The following SPAG16 variants were observed in gnomAD, a reference collection of about 807,000 sequenced individuals.
The protein encoded by SPAG16 is sperm associated antigen 16.
A neutral mutation model predicts 80.4 loss-of-function variants in SPAG16; 86 were observed. The ratio of observed to expected loss-of-function variants is 1.07; its 90% CI spans 0.90 to 1.28. SPAG16 has a LOEUF of 1.28. Ranked by LOEUF, SPAG16 falls within the 50% of genes most tolerant of loss-of-function variation. The pLI, the probability that SPAG16 is intolerant of heterozygous loss-of-function variation, is 0.00. For missense variants in SPAG16, 870 were observed against 765.3 expected (o/e 1.14, Z -1.61); for synonymous variants, 294 against 265.9 (o/e 1.11, Z -1.03).
chr2:213,425,401 G>A, intron 9 of SPAG16, among the ~76,000 whole-genome samples: 1 of 152,134 alleles, frequency 6.6e-6, no homozygotes, highest in East Asian at 1.9e-4. Flanking sequence ...TGTAATCCCA[G>A]CACTTTGGGA....
At chr2:213,964,906 T>C (rs1559636715) in intron 12 of SPAG16, among the ~76,000 whole-genome samples, 1 of 152,240 alleles carries the variant, frequency 6.6e-6, no homozygotes, top group Non-Finnish European at 1.5e-5. Context: ...TTTAATTATT[T>C]AAGTGTGACT....
intron 12 of SPAG16, among the ~76,000 whole-genome samples, chr2:213,993,936 G>A (rs1300433221): frequency 6.6e-6 from 1 of 152,154 alleles, no homozygotes; most frequent in African/African-American, 2.4e-5. Flanking sequence ...TCACTACAAA[G>A]TTCTGTCCCT....
At chr2:214,087,769 G>T (rs1324318525) in intron 13 of SPAG16, among the ~76,000 whole-genome samples, 1 of 152,006 alleles carries the variant, frequency 6.6e-6, no homozygotes, top group African/African-American at 2.4e-5. Context: ...AATTTAGTGT[G>T]CCAACCAGAC....
chr2:213,644,890 T>G (rs2062764413), intron 10 of SPAG16, among the ~76,000 whole-genome samples: 1 of 152,186 alleles, frequency 6.6e-6, no homozygotes, highest in Admixed American at 6.5e-5. Context: ...GCCTTGTGGC[T>G]CTACACTCAG....
At chr2:213,848,690 T>G (rs1033859214) in intron 10 of SPAG16, among the ~76,000 whole-genome samples, 1 of 152,158 alleles carries the variant, frequency 6.6e-6, no homozygotes, top group Non-Finnish European at 1.5e-5. Context: ...ATACCCCTGT[T>G]CCCTTCGTCC....
At chr2:213,359,486 C>T (rs1024130362) in intron 7 of SPAG16, among the ~76,000 whole-genome samples, 3 of 152,162 alleles carry the variant, frequency 2.0e-5, no homozygotes, top group Non-Finnish European at 2.9e-5. Context: ...CAATGGCAGA[C>T]GCCCCTCCTC....
At chr2:213,672,310 A>G (rs1161848471) in intron 10 of SPAG16, among the ~76,000 whole-genome samples, 1 of 152,058 alleles carries the variant, frequency 6.6e-6, no homozygotes, top group Non-Finnish European at 1.5e-5. Context: ...CCCAAAGAAA[A>G]AAATGTTTCT....
chr2:213,702,483 A>C (rs2065498161), intron 10 of SPAG16, among the ~76,000 whole-genome samples: 1 of 152,206 alleles, frequency 6.6e-6, no homozygotes, highest in African/African-American at 2.4e-5. Flanking sequence ...CAAAAGGAAC[A>C]AACAACTCCA....
intron 15 of SPAG16, among the ~76,000 whole-genome samples, chr2:214,310,148 C>T (rs770879292): frequency 2.0e-5 from 3 of 148,290 alleles, no homozygotes; most frequent in Admixed American, 6.9e-5. Flanking sequence ...CTAAAGAAAC[C>T]GTCATTTTCT....
At chr2:213,651,053 T>A (rs183179034) in intron 10 of SPAG16, among the ~76,000 whole-genome samples, 33 of 152,326 alleles carry the variant, frequency 2.2e-4, no homozygotes, top group African/African-American at 7.2e-4. Flanking sequence ...ACCCAGGTTC[T>A]TACTGAGATT....
At chr2:213,590,868 T>C (rs911472128) in intron 10 of SPAG16, among the ~76,000 whole-genome samples, 2 of 152,212 alleles carry the variant, frequency 1.3e-5, no homozygotes, top group African/African-American at 4.8e-5. Flanking sequence ...ATCACAGCAC[T>C]ATTCACAATA....
rs557089049 is a variant in SPAG16, at chr2:213,641,687, G to A, written c.1070+151597G>A. 4.6e-5 allele frequency among the ~76,000 whole-genome samples: 7 copies of A among 152,262 alleles called. No homozygotes were observed. In the East Asian group the frequency reaches 1.4e-3, roughly 29 times the overall value. The stretch of plus-strand genomic sequence containing the variant: ...CTCTCTAATTTTGTTTCAGCTCTTG[G>A]TAAGGGTAAATTATTCTCTTGTGAT... On this transcript the variant is annotated intron_variant, in intron 10 of 15. Transcript: ENST00000331683.
chr2:214,073,193 A>G (rs1194606306), intron 13 of SPAG16, among the ~76,000 whole-genome samples: 2 of 151,736 alleles, frequency 1.3e-5, no homozygotes, highest in African/African-American at 4.8e-5. Flanking sequence ...GAATTTCTCT[A>G]TGCTAAAAAC....
chr2:213,871,221 T>TAGAC (rs1397197828), intron 11 of SPAG16, among the ~76,000 whole-genome samples: 1 of 152,058 alleles, frequency 6.6e-6, no homozygotes, highest in Non-Finnish European at 1.5e-5. Flanking sequence ...AACCCAATAA[T>TAGAC]AGAAGCACTT....
intron 9 of SPAG16, among the ~76,000 whole-genome samples, chr2:213,450,094 C>A (rs1286237069): frequency 1.3e-5 from 2 of 152,174 alleles, no homozygotes; most frequent in East Asian, 1.9e-4. Context: ...CACCAGGGGT[C>A]AGGAGTTTGA....
chr2:213,907,643 T>A (rs1387008379), intron 11 of SPAG16, among the ~76,000 whole-genome samples: 2 of 152,090 alleles, frequency 1.3e-5, no homozygotes, highest in Non-Finnish European at 2.9e-5. Context: ...AATAGATGAA[T>A]GGATAAAGAA....
chr2:213,448,423 T>G (rs1575613322), intron 9 of SPAG16, among the ~76,000 whole-genome samples: 4 of 152,254 alleles, frequency 2.6e-5, no homozygotes, highest in Admixed American at 2.6e-4. Flanking sequence ...AAAGTCTTTC[T>G]GGACTAAACC....
At chr2:213,857,074 A>G (rs996926057) in intron 10 of SPAG16, among the ~76,000 whole-genome samples, 1 of 152,130 alleles carries the variant, frequency 6.6e-6, no homozygotes, top group African/African-American at 2.4e-5. Flanking sequence ...TATCAAAAAT[A>G]CAAAAACTAG....
At chr2:213,959,282 T>C (rs1163221703) in intron 12 of SPAG16, among the ~76,000 whole-genome samples, 2 of 152,252 alleles carry the variant, frequency 1.3e-5, no homozygotes, top group Non-Finnish European at 2.9e-5. Context: ...CGGGTGTTTA[T>C]ATTCCTGTCT....
Sources: allele counts gnomAD v4.1 joint callset (sites outside exome capture counted in the v4.1 genomes callset), GRCh38; gene constraint gnomAD v4.1.1; transcripts MANE v1.5; gene names NCBI Gene and HGNC (gene_info 2026-07-23, HGNC 2026-07-21).